PRDM15: variants seen among roughly 807,000 people sequenced by gnomAD.
The protein encoded by PRDM15 is PR domain zinc finger protein 15.
PRDM15 carries 64 observed loss-of-function variants against 128.6 expected under a neutral mutation model. The ratio of observed to expected loss-of-function variants is 0.50; its 90% CI spans 0.41 to 0.61. PRDM15 has a LOEUF of 0.61. Ranked by LOEUF, PRDM15 falls within the 20% of genes least tolerant of loss-of-function variation. The pLI is 0.00. For synonymous variants in PRDM15, 615 were observed against 621.8 expected (o/e 0.99, Z 0.16); for missense variants, 1,242 against 1,569.1 (o/e 0.79, Z 3.52).
chr21:41,819,565 C>T lies in PRDM15; in HGVS notation c.2260+17G>A. 6.2e-7 allele frequency: 1 copy of T among 1,610,402 alleles called. No homozygotes were observed. Among genetic ancestry groups the T allele is most frequent in the Non-Finnish European group, 8.5e-7 (1 of 1,179,000 alleles). The stretch of plus-strand genomic sequence containing the variant: ...GCCTGGCTGAGCCTGGCCCATGTCC[C>T]CAGCACCCGTACCCACCTTTCCCAC... On this transcript the variant is annotated intron_variant, in intron 18 of 23. Transcript: ENST00000398548.
At position 41,859,079 on chromosome 21, in the gene PRDM15, C is replaced by A; in HGVS notation, c.131+513G>T. ...CAGCCTCCCCCAGGTGAGGGTGGAA[C>A]GGCAGGGCAGCTGCTGCCCACTGAG... is the stretch of plus-strand genomic sequence containing the variant. On this transcript the variant is annotated intron_variant, in intron 3 of 23. Coordinates refer to ENST00000398548, the MANE Select transcript of PRDM15 (RefSeq NM_001040424.3). The surrounding 1 kb of genome is among the most constrained non-coding windows in gnomAD (Gnocchi z 5.3). 1 of 1,581,520 alleles carries A rather than the reference C, an allele frequency of 6.3e-7. No homozygotes were observed. Among genetic ancestry groups the A allele is most frequent in the Non-Finnish European group, 8.6e-7 (1 of 1,164,946 alleles).
chr21:41,820,983 G>A (rs1379548547), intron 16 of PRDM15, 84 bp downstream of exon 16: 2 of 1,539,200 alleles, frequency 1.3e-6, no homozygotes, highest in Non-Finnish European at 1.8e-6. Context: ...AGCTACAAAT[G>A]GCTCCTTATA....
chr21:41,819,185 G>A (rs1246864582), intron 18 of PRDM15, among the ~76,000 whole-genome samples: 1 of 152,206 alleles, frequency 6.6e-6, no homozygotes, highest in Non-Finnish European at 1.5e-5. Flanking sequence ...CCTTAAGTAA[G>A]CGACTGAAGC....
chr21:41,806,474 CACCCATTACT>C (rs2146213522), intron 21 of PRDM15, among the ~76,000 whole-genome samples: 1 of 106,694 alleles, frequency 9.4e-6, no homozygotes. Flanking sequence ...CCACCAGCAC[CACCCATTACT>C]ACCACCACCA....
intron 1 of PRDM15, chr21:41,878,818 G>A (rs762206958): frequency 1.9e-5 from 22 of 1,134,452 alleles, no homozygotes; most frequent in Non-Finnish European, 2.3e-5. Flanking sequence ...GACGCCGCCC[G>A]GCGGCGGGGG....
chr21:41,828,254 G>A lies in PRDM15; in HGVS notation c.1446C>T (p.His482=), dbSNP rs767871819. 9.9e-6 allele frequency: 16 copies of A among 1,613,972 alleles called. No individual in the cohort carries two copies. Among genetic ancestry groups the A allele is most frequent in the Admixed American group, 5.0e-5 (3 of 60,000 alleles). Reference sequence around the variant, plus strand: ...CCTCACAGGCAAACTTCTTGTCGCCGTGCTTCTTCTTGTGCTTGGAGAGGT... The same window carrying A: ...CCTCACAGGCAAACTTCTTGTCGCCATGCTTCTTCTTGTGCTTGGAGAGGT... ...NSNLSKHKKK[H]GDKKFACEVC... Residue 482 remains histidine, a synonymous_variant, in exon 12 of 24, where the codon CAC becomes CAT. Transcript: ENST00000398548. The surrounding 1 kb of genome is among the most constrained non-coding windows in gnomAD (Gnocchi z 5.7).
In PRDM15 at chr21:41,810,179, C is replaced by T. The variant is rs891932511; in HGVS notation, c.2627G>A (p.Arg876Gln). 3.1e-6 allele frequency: 5 copies of T among 1,610,784 alleles called. No homozygotes were observed. Among genetic ancestry groups the T allele is most frequent in the African/African-American group, 1.3e-5 (1 of 74,918 alleles). The change falls in exon 21 of 24, where the codon CGA (arginine) becomes CAA (glutamine). Residue 876 changes from arginine (R) to glutamine (Q), a missense_variant. By Grantham distance (43) the Arg-to-Gln change is conservative. Around this residue, in one of 3 missense-constraint regions of PRDM15, gnomAD observed 602 missense variants for 788.3 expected, o/e 0.76. Coordinates refer to ENST00000398548, the MANE Select transcript of PRDM15 (RefSeq NM_001040424.3). This position sits in a 1 kb window ranked among gnomAD's most constrained non-coding sequence, Gnocchi z 6.4. ...CTCGGGGTGCTTGCGCCGCATGTGTCGGCTCATGGAGGCCCTGGTGGACAC... is the reference window on the plus strand; with the variant it reads ...CTCGGGGTGCTTGCGCCGCATGTGTTGGCTCATGGAGGCCCTGGTGGACAC... ...TKVSTRASMS[R>Q]HMRRKHPEVL...
rs2061399349 is a variant in PRDM15, at chr21:41,800,939, G to A, written c.*301C>T. The stretch of plus-strand genomic sequence containing the variant: ...GCTTCACTTTCCCGAACCCTGTGTC[G>A]GGCGAACACTGGTTCTGTAAGGGGA... On this transcript the variant is annotated 3_prime_UTR_variant, in exon 24 of 24. Coordinates refer to ENST00000398548, the MANE Select transcript of PRDM15 (RefSeq NM_001040424.3). The A allele has an allele frequency of 1.2e-5, 4 of 336,916 alleles. No homozygotes were observed. The highest frequency in any genetic ancestry group is 4.7e-5 in the East Asian group (1 of 21,210). The allele number at this position is 336,916 out of a possible 1,614,324, so 20.9% of individuals were successfully genotyped here.
intron 21 of PRDM15, among the ~76,000 whole-genome samples, chr21:41,805,240 C>T (rs1051481523): frequency 3.9e-5 from 6 of 152,206 alleles, no homozygotes; most frequent in Non-Finnish European, 7.3e-5. Flanking sequence ...ACAGCAGTTG[C>T]GTTTGTTCCT....
At chr21:41,874,530 T>TTTTTTG in intron 1 of PRDM15, among the ~76,000 whole-genome samples, 1 of 144,510 alleles carries the variant, frequency 6.9e-6, no homozygotes, top group African/African-American at 2.5e-5. Context: ...TATATATTTT[T>TTTTTTG]TTTTTTTTTT....
rs200629576 is a variant in PRDM15, at chr21:41,828,727, T to TACCA, written c.1367-398_1367-395dup. On this transcript the variant is annotated intron_variant, in intron 11 of 23. Coordinates refer to ENST00000398548, the MANE Select transcript of PRDM15 (RefSeq NM_001040424.3). This position sits in a 1 kb window ranked among gnomAD's most constrained non-coding sequence, Gnocchi z 5.7. ...TGACTGACAGATAGAATGACCTACC[T>TACCA]ACCAACCAACCAACCAACCACCCGA... Among the ~76,000 whole-genome samples, 3,728 of 150,298 alleles carry TACCA rather than the reference T, an allele frequency of 0.025. 140 individuals are homozygous for TACCA. Among genetic ancestry groups the TACCA allele is most frequent in the African/African-American group, 0.086 (3,500 of 40,758 alleles).
chr21:41,801,168 T>C lies in PRDM15; in HGVS notation c.*72A>G. On this transcript the variant is annotated 3_prime_UTR_variant, in exon 24 of 24. Transcript: ENST00000398548. ...TGTATGACTTTTTGTTTGTTTGGTA[T>C]CCAGCAAACACATCTAAACAAATCC... 1 of 1,490,322 alleles carries C rather than the reference T, an allele frequency of 6.7e-7. No homozygotes were observed. The highest frequency in any genetic ancestry group is 1.4e-5 in the South Asian group (1 of 73,546). 92.3% of individuals were successfully genotyped at this position (1,490,322 alleles called of 1,614,324 possible).
Position 41,836,652 on chromosome 21 carries a change from G to T in PRDM15, c.1002-3C>A. 1 of 1,585,064 alleles carries T rather than the reference G, an allele frequency of 6.3e-7. No homozygotes were observed. On this transcript the variant is annotated splice_region_variant and splice_polypyrimidine_tract_variant and intron_variant, in intron 8 of 23. Coordinates refer to ENST00000398548, the MANE Select transcript of PRDM15 (RefSeq NM_001040424.3). ...TGTTATTCTGATGATGGGTGAACCT[G>T]CCCAGGGACGTCAATAAGTTGGGAA...
intron 21 of PRDM15, among the ~76,000 whole-genome samples, chr21:41,806,461 T>C (rs1225950130): frequency 4.9e-4 from 16 of 32,410 alleles, no homozygotes; most frequent in Admixed American, 4.5e-4. Flanking sequence ...CCCATCACCA[T>C]CACCACCAGC....
intron 12 of PRDM15, among the ~76,000 whole-genome samples, chr21:41,827,596 C>T (rs570533422): frequency 1.3e-5 from 2 of 152,354 alleles, no homozygotes; most frequent in South Asian, 4.1e-4. Flanking sequence ...CCAGCTGCAG[C>T]CTCTCAAAGT....
At chr21:41,819,732 C>A in intron 17 of PRDM15, 31 bp from the exon 18 acceptor site, 10 of 1,573,974 alleles carry the variant, frequency 6.4e-6, no homozygotes, top group East Asian at 2.3e-5. Context: ...CACTCAGAGC[C>A]GAGCAGCTCC....
At chr21:41,819,908 G>T in intron 17 of PRDM15, 187 bp downstream of exon 17, 1 of 771,502 alleles carries the variant, frequency 1.3e-6, no homozygotes, top group South Asian at 1.7e-5. Context: ...AGGGGTGAGG[G>T]GGCTGGGGGC....
chr21:41,826,663 A>G (rs2062482793), intron 12 of PRDM15, among the ~76,000 whole-genome samples: 1 of 152,158 alleles, frequency 6.6e-6, no homozygotes, highest in Non-Finnish European at 1.5e-5. Context: ...CTCTTTCTAC[A>G]CTGCCGACCC....
chr21:41,871,555 G>A (rs748591289), intron 1 of PRDM15: 12 of 1,612,060 alleles, frequency 7.4e-6, no homozygotes, highest in African/African-American at 2.7e-5. Flanking sequence ...GCTCAGTGTC[G>A]GACACCTCAT....
Sources: allele counts gnomAD v4.1 joint callset (sites outside exome capture counted in the v4.1 genomes callset), GRCh38; gene constraint gnomAD v4.1.1; regional missense constraint gnomAD v4.1.1; non-coding constraint Gnocchi (gnomAD v3.1); transcripts MANE v1.5; gene names NCBI Gene and HGNC (gene_info 2026-07-23, HGNC 2026-07-21).